The following PCDH15 variants were observed in gnomAD, a reference collection of about 807,000 sequenced individuals.
PCDH15 encodes protocadherin related 15.
A neutral mutation model predicts 178.5 loss-of-function variants in PCDH15; 129 were observed. The observed-to-expected ratio is 0.72, with a 90% CI of 0.63 to 0.84. The LOEUF (loss-of-function observed/expected upper bound fraction) is 0.84, where lower values mean the gene tolerates loss of function less well. PCDH15 is among the 40% of genes least tolerant of loss of function. PCDH15 has a pLI of 0.00. For missense variants in PCDH15, 2,230 were observed against 2,099.9 expected, an observed-to-expected ratio of 1.06 and a Z score of -1.21; for synonymous variants, 800 against 732.0, an observed-to-expected ratio of 1.09 and a Z score of -1.50.
At chr10:54,458,076 A>G (rs1439987789) in intron 3 of PCDH15, among the ~76,000 whole-genome samples, 1 of 152,156 alleles carries the variant, frequency 6.6e-6, no homozygotes, top group East Asian at 1.9e-4. Flanking sequence ...TGTATGTTTT[A>G]TGTATCTCCC....
intron 2 of PCDH15, among the ~76,000 whole-genome samples, chr10:54,633,401 T>A (rs1017767059): frequency 6.6e-6 from 1 of 152,070 alleles, no homozygotes; most frequent in African/African-American, 2.4e-5. Context: ...AGAAAGGAGA[T>A]TTGCATGAAC....
rs1348904354 is a variant in PCDH15 at position 54,757,304 on chromosome 10, A to T, written c.-29+43621T>A. Among the ~76,000 whole-genome samples the T allele has an allele frequency of 3.2e-4, 15 of 47,142 alleles. 5 individuals are homozygous for T. Among genetic ancestry groups the T allele is most frequent in the African/African-American group, 1.5e-3 (14 of 9,082 alleles). The allele number at this position is 47,142 out of a possible 152,430, so 30.9% of individuals were successfully genotyped here. On this transcript the variant is annotated intron_variant, in intron 1 of 37. Transcript: ENST00000644397. Reference sequence around the variant, plus strand: ...TTTTTTTTTTTTTTTTTTTTTTGAGACGGAGTTTCGCTCTGTCGCCCAGGC... The same window carrying T: ...TTTTTTTTTTTTTTTTTTTTTTGAGTCGGAGTTTCGCTCTGTCGCCCAGGC...
At chr10:55,613,981 G>T (rs968760481) in intron 2 of PCDH15, among the ~76,000 whole-genome samples, 1 of 152,028 alleles carries the variant, frequency 6.6e-6, no homozygotes, top group South Asian at 2.1e-4. Context: ...GGGCATGGTG[G>T]TGGGTGCCTG....
chr10:55,600,866 A>T (rs1213830933), intron 2 of PCDH15, among the ~76,000 whole-genome samples: 1 of 151,846 alleles, frequency 6.6e-6, no homozygotes, highest in Admixed American at 6.6e-5. Flanking sequence ...CTTTTTTAAA[A>T]TTTTTTAAAT....
chr10:55,210,200 G>A (rs1056696835), intron 1 of PCDH15, among the ~76,000 whole-genome samples: 1 of 151,990 alleles, frequency 6.6e-6, no homozygotes, highest in East Asian at 1.9e-4. Flanking sequence ...AAAATTTATA[G>A]TGTTACAGCA....
intron 17 of PCDH15, among the ~76,000 whole-genome samples, chr10:54,078,581 C>A (rs1346775670): frequency 1.3e-5 from 2 of 150,742 alleles, no homozygotes; most frequent in Middle Eastern, 3.2e-3. Context: ...GACACATAAG[C>A]ACCTGATTGA....
intron 2 of PCDH15, among the ~76,000 whole-genome samples, chr10:55,433,055 AC>A (rs113192046): frequency 3.7e-4 from 4 of 10,832 alleles, no homozygotes; most frequent in African/African-American, 4.7e-3. Flanking sequence ...ACAAAACAAA[AC>A]AAAAACAGAA....
chr10:54,538,869 A>G (rs891921903), intron 2 of PCDH15, among the ~76,000 whole-genome samples: 1 of 152,194 alleles, frequency 6.6e-6, no homozygotes, highest in African/African-American at 2.4e-5. Context: ...CTTTATAATG[A>G]TGCAACAATG....
At chr10:54,245,691 G>A (rs1019629173) in intron 8 of PCDH15, among the ~76,000 whole-genome samples, 1 of 151,916 alleles carries the variant, frequency 6.6e-6, no homozygotes, top group African/African-American at 2.4e-5. Flanking sequence ...GGCATGAGGA[G>A]ATGTGGGCTT....
chr10:54,135,999 C>G (rs2042871381), intron 14 of PCDH15, among the ~76,000 whole-genome samples: 1 of 152,128 alleles, frequency 6.6e-6, no homozygotes, highest in South Asian at 2.1e-4. Flanking sequence ...CTTAAGGTTT[C>G]TTATTCCACT....
rs1232980223 is a variant in PCDH15 at position 54,904,133 on chromosome 10, G to T, written c.-79-6633C>A. ...TCATGCTGTGAAATTTATGATAAAA[G>T]CAAAACTAAAAATCATTGGTTGATT... On this transcript the variant is annotated intron_variant, in intron 2 of 5. Coordinates refer to the PCDH15 transcript ENST00000458638. 2.0e-5 allele frequency among the ~76,000 whole-genome samples: 3 copies of T among 151,928 alleles called. No individual in the cohort carries two copies. In the East Asian group the frequency reaches 5.8e-4, roughly 29 times the overall value.
intron 2 of PCDH15, among the ~76,000 whole-genome samples, chr10:55,533,119 A>G (rs1259297458): frequency 6.6e-6 from 1 of 152,058 alleles, no homozygotes; most frequent in Non-Finnish European, 1.5e-5. Flanking sequence ...CACACCCAAC[A>G]TCATACTGAA....
intron 2 of PCDH15, among the ~76,000 whole-genome samples, chr10:55,522,609 T>C (rs1178113526): frequency 6.6e-6 from 1 of 151,808 alleles, no homozygotes; most frequent in Admixed American, 6.6e-5. Flanking sequence ...TAAAAATCTC[T>C]TTAGTTTTAT....
chr10:54,566,009 G>T (rs1163110021), intron 2 of PCDH15, among the ~76,000 whole-genome samples: 1 of 152,130 alleles, frequency 6.6e-6, no homozygotes, highest in Non-Finnish European at 1.5e-5. Flanking sequence ...GTTTGAAACT[G>T]GGAAGCGGAG....
At position 54,420,290 on chromosome 10, in the gene PCDH15, A is replaced by G. The variant is rs374296475; in HGVS notation, c.158-41348T>C. Among the ~76,000 whole-genome samples, 26 of 152,172 alleles carry G rather than the reference A, an allele frequency of 1.7e-4. No homozygotes were observed. In the East Asian group the frequency reaches 3.1e-3, roughly 18 times the overall value. On this transcript the variant is annotated intron_variant, in intron 3 of 37. Coordinates refer to ENST00000644397, the MANE Select transcript of PCDH15 (RefSeq NM_001384140.1). ...TGCAGCCTTGTCTTGTGGAGCTTGT[A>G]TTTTACTTCATGAGAAATGCCAAAG...
chr10:54,054,179 T>C (rs2093835230), intron 18 of PCDH15, among the ~76,000 whole-genome samples: 1 of 152,154 alleles, frequency 6.6e-6, no homozygotes, highest in Non-Finnish European at 1.5e-5. Flanking sequence ...ATATGTCTAT[T>C]TGAGGCTGTA....
chr10:55,498,637 A>G (rs1188295418), intron 2 of PCDH15, among the ~76,000 whole-genome samples: 2 of 151,900 alleles, frequency 1.3e-5, no homozygotes, highest in Non-Finnish European at 2.9e-5. Context: ...AAATATGCTC[A>G]GTACTATATA....
At chr10:55,189,987 T>C (rs549823620) in intron 1 of PCDH15, among the ~76,000 whole-genome samples, 1 of 151,972 alleles carries the variant, frequency 6.6e-6, no homozygotes, top group African/African-American at 2.4e-5. Flanking sequence ...GCTTGATTCC[T>C]GATACATAAA....
At chr10:55,581,207 T>A (rs1842607865) in intron 2 of PCDH15, among the ~76,000 whole-genome samples, 1 of 152,132 alleles carries the variant, frequency 6.6e-6, no homozygotes, top group Non-Finnish European at 1.5e-5. Flanking sequence ...ATGTTTAGTT[T>A]ATGACTTGGT....
Sources: gnomAD v4.1 joint callset for allele counts (sites outside exome capture counted in the v4.1 genomes callset) on GRCh38, gnomAD v4.1.1 for gene constraint, MANE v1.5 for transcripts, NCBI Gene and HGNC (gene_info 2026-07-23, HGNC 2026-07-21) for gene names.